WFDC1: variants seen among roughly 807,000 people sequenced by gnomAD.
WFDC1 encodes WAP four-disulfide core domain protein 1.
WFDC1 carries 39 observed loss-of-function variants against 32.9 expected under a neutral mutation model. The observed-to-expected ratio is 1.19, with a 90% CI of 0.92 to 1.55. The LOEUF is 1.55. Among genes scored for constraint, WFDC1 ranks in the 40% most tolerant of loss-of-function variants. The probability of loss-of-function intolerance (pLI) is 0.00; values close to 1 mark genes in which losing one functional copy is unlikely to be tolerated. For missense variants in WFDC1, 386 were observed against 309.5 expected, an observed-to-expected ratio of 1.25 and a Z score of -1.85; for synonymous variants, 184 against 137.4, an observed-to-expected ratio of 1.34 and a Z score of -2.37.
At position 84,325,525 on chromosome 16, in the gene WFDC1, A is replaced by G. The variant is rs147998977; in HGVS notation, c.604+1065A>G. The G allele has an allele frequency of 7.2e-3, 1,096 of 151,770 alleles. 8 individuals are homozygous for G. Among genetic ancestry groups the G allele is most frequent in the Middle Eastern group, 0.01 (3 of 294 alleles). The allele number at this position is 151,770 out of a possible 1,614,324, so 9.4% of individuals were successfully genotyped here. ...GCCCCATCCACCCATCTGTCTATCC[A>G]TTTATCCATCCATCCACTCATCCAT... On this transcript the variant is annotated intron_variant, in intron 5 of 6. Transcript: ENST00000219454.
rs557739510 is a variant in WFDC1 at position 84,326,787 on chromosome 16, C to T, written c.605-95C>T. 2.4e-5 allele frequency: 35 copies of T among 1,487,178 alleles called. No homozygotes were observed. In the East Asian group the frequency reaches 6.6e-4, roughly 28 times the overall value. The allele number at this position is 1,487,178 out of a possible 1,614,324, so 92.1% of individuals were successfully genotyped here. On this transcript the variant is annotated intron_variant, in intron 5 of 6. Transcript: ENST00000219454. ...TGGGGGAGGGAGGAGAGGGCCAGGT[C>T]ACCAGGCTTCATTTGGCAGTTCCTG...
chr16:84,314,088 A>G (rs2056753641), intron 2 of WFDC1, among the ~76,000 whole-genome samples: 1 of 152,114 alleles, frequency 6.6e-6, no homozygotes, highest in South Asian at 2.1e-4. Context: ...CGTGCAGCTC[A>G]CGGTGGACCT....
At chr16:84,308,886 T>C (rs1907440010) in intron 1 of WFDC1, among the ~76,000 whole-genome samples, 1 of 151,838 alleles carries the variant, frequency 6.6e-6, no homozygotes, top group Non-Finnish European at 1.5e-5. Context: ...TGGGCATAGA[T>C]GCCATCCTGG....
At chr16:84,326,301 A>G (rs1003553862) in intron 5 of WFDC1, 1 of 152,836 alleles carries the variant, frequency 6.5e-6, no homozygotes. Flanking sequence ...AATAATTTAC[A>G]GCACATATTT....
intron 1 of WFDC1, among the ~76,000 whole-genome samples, chr16:84,308,895 G>C (rs1166587560): frequency 6.6e-6 from 1 of 152,230 alleles, no homozygotes; most frequent in South Asian, 2.1e-4. Context: ...ATGCCATCCT[G>C]GGTGTAGACA....
chr16:84,297,749 G>T (rs1407964845), intron 1 of WFDC1, among the ~76,000 whole-genome samples: 3 of 151,876 alleles, frequency 2.0e-5, no homozygotes, highest in Non-Finnish European at 4.4e-5. Flanking sequence ...TTATCACAGT[G>T]AAATCTCTAA....
chr16:84,298,075 T>C (rs531085262), intron 1 of WFDC1, among the ~76,000 whole-genome samples: 1 of 152,240 alleles, frequency 6.6e-6, no homozygotes, highest in Non-Finnish European at 1.5e-5. Context: ...CACACAGCCA[T>C]GATCACAAAC....
At chr16:84,297,642 A>ATATAG (rs1567648448) in intron 1 of WFDC1, among the ~76,000 whole-genome samples, 3 of 119,776 alleles carry the variant, frequency 2.5e-5, no homozygotes, top group South Asian at 3.1e-4. Context: ...AAAAAAAAAA[A>ATATAG]AAAAACTGTG....
chr16:84,324,515 A>C (rs244787), intron 5 of WFDC1, 55 bp downstream of exon 5: 1,581,317 of 1,587,608 alleles, frequency 1, 787,722 homozygotes, highest in East Asian at 1. Flanking sequence ...AGGCAGTGAA[A>C]GTTTCTTATG....
intron 4 of WFDC1, among the ~76,000 whole-genome samples, chr16:84,321,981 G>T (rs543832160): frequency 6.6e-6 from 1 of 152,176 alleles, no homozygotes; most frequent in African/African-American, 2.4e-5. Context: ...AGAGAAACAC[G>T]TATGAAGTGC....
At chr16:84,304,140 T>A (rs188145120) in intron 1 of WFDC1, among the ~76,000 whole-genome samples, 86 of 152,336 alleles carry the variant, frequency 5.6e-4, no homozygotes, top group African/African-American at 2.0e-3. Context: ...TGAATTGGGG[T>A]TCCCACTGCT....
chr16:84,314,865 A>G (rs1597682516), intron 2 of WFDC1, among the ~76,000 whole-genome samples: 2 of 152,256 alleles, frequency 1.3e-5, no homozygotes, highest in Admixed American at 1.3e-4. Context: ...CCTCCTGCCT[A>G]TAGCAGGTGC....
intron 4 of WFDC1, among the ~76,000 whole-genome samples, chr16:84,322,955 A>G (rs1483647286): frequency 6.6e-6 from 1 of 152,166 alleles, no homozygotes; most frequent in Non-Finnish European, 1.5e-5. Context: ...ACGAGTAATC[A>G]TTTTTGGTAA....
Position 84,329,467 on chromosome 16 carries a change from T to C in WFDC1, c.*161T>C, listed in dbSNP as rs1253583616. ...CAGGACACCTGGCCATCAAACCCAG[T>C]TTGGCCCAGCCTGGTTGGGTGACTT... On this transcript the variant is annotated 3_prime_UTR_variant, in exon 7 of 7. Coordinates refer to ENST00000219454, the MANE Select transcript of WFDC1 (RefSeq NM_021197.4). 9.2e-5 allele frequency: 14 copies of C among 152,182 alleles called. No homozygotes were observed. Among genetic ancestry groups the C allele is most frequent in the Admixed American group, 9.2e-4 (14 of 15,272 alleles). 9.4% of individuals were successfully genotyped at this position (152,182 alleles called of 1,614,324 possible).
chr16:84,301,744 A>T (rs1220728850), intron 1 of WFDC1, among the ~76,000 whole-genome samples: 2 of 152,046 alleles, frequency 1.3e-5, no homozygotes, highest in Non-Finnish European at 2.9e-5. Flanking sequence ...TGGAGGGGGG[A>T]CTGGAAGGAA....
At chr16:84,327,672 A>G (rs896118157) in intron 6 of WFDC1, 2 of 152,242 alleles carry the variant, frequency 1.3e-5, no homozygotes, top group African/African-American at 2.4e-5. Flanking sequence ...AGCAGAAGCA[A>G]TTCTGTATCC....
chr16:84,300,482 G>A (rs1417446984), intron 1 of WFDC1, among the ~76,000 whole-genome samples: 1 of 152,196 alleles, frequency 6.6e-6, no homozygotes, highest in Non-Finnish European at 1.5e-5. Context: ...TGTACTCCCT[G>A]CACTCGAATC....
intron 1 of WFDC1, among the ~76,000 whole-genome samples, chr16:84,311,788 T>G (rs1907643137): frequency 6.8e-6 from 1 of 147,206 alleles, no homozygotes; most frequent in South Asian, 2.2e-4. Context: ...TTCACCCACC[T>G]TGACTTCTGG....
chr16:84,322,445 T>G (rs963963959), intron 4 of WFDC1, among the ~76,000 whole-genome samples: 18 of 152,194 alleles, frequency 1.2e-4, no homozygotes, highest in Non-Finnish European at 4.4e-5. Context: ...AACTGCATAT[T>G]TGAAATAATT....
Sources: gnomAD v4.1 joint callset for allele counts (sites outside exome capture counted in the v4.1 genomes callset) on GRCh38, gnomAD v4.1.1 for gene constraint, MANE v1.5 for transcripts, NCBI Gene and HGNC (gene_info 2026-07-23, HGNC 2026-07-21) for gene names.